The following ZNF804A variants were observed in gnomAD, a reference collection of about 807,000 sequenced individuals.
ZNF804A encodes the protein zinc finger protein 804A.
Under a neutral mutation model 16.5 loss-of-function variants are expected in ZNF804A, and 2 were observed. The observed-to-expected ratio is 0.12, with a 90% CI of 0.05 to 0.38. ZNF804A has a LOEUF of 0.38. ZNF804A is among the 10% of genes least tolerant of loss of function. ZNF804A has a pLI of 0.99. For missense variants in ZNF804A, 1,473 were observed against 1,390.7 expected (o/e 1.06, Z -0.94); for synonymous variants, 534 against 489.6 (o/e 1.09, Z -1.20).
chr2:184,784,429 G>A (rs1484045504), intron 1 of ZNF804A, among the ~76,000 whole-genome samples: 1 of 151,886 alleles, frequency 6.6e-6, no homozygotes, highest in African/African-American at 2.4e-5. Context: ...CTGGAGGTCT[G>A]ATGGCATACA....
At chr2:184,880,462 AT>A (rs201041949) in intron 2 of ZNF804A, among the ~76,000 whole-genome samples, 165 of 152,050 alleles carry the variant, frequency 1.1e-3, no homozygotes, top group Admixed American at 3.3e-3. Context: ...GTTAAGACAC[AT>A]TTTTTAAAAA....
chr2:184,768,636 T>C (rs1182513681), intron 1 of ZNF804A, among the ~76,000 whole-genome samples: 1 of 152,038 alleles, frequency 6.6e-6, no homozygotes, highest in Non-Finnish European at 1.5e-5. Flanking sequence ...GATATTGATG[T>C]TTCTGGTCTA....
chr2:184,869,167 G>T (rs1695932525), intron 2 of ZNF804A, among the ~76,000 whole-genome samples: 1 of 151,862 alleles, frequency 6.6e-6, no homozygotes, highest in South Asian at 2.1e-4. Context: ...CAAAATACTG[G>T]TTCCAGCATT....
Position 184,937,502 on chromosome 2 carries a change from A to T in ZNF804A, c.2106A>T (p.Gly702=), listed in dbSNP as rs560810543. The part of the protein sequence containing the change: ...HCKKNTILLN[G]QSNATMIHSG... ...AAAAGAACACAATACTTTTAAATGGACAATCAAATGCAACAATGATACATT... is the reference window on the plus strand; with the variant it reads ...AAAAGAACACAATACTTTTAAATGGTCAATCAAATGCAACAATGATACATT... Residue 702 remains glycine, a synonymous_variant, in exon 4 of 4, where the codon GGA becomes GGT. Coordinates refer to ENST00000302277, the MANE Select transcript of ZNF804A (RefSeq NM_194250.2). 8.7e-6 allele frequency: 14 copies of T among 1,612,482 alleles called. No individual in the cohort carries two copies. In the East Asian group the frequency reaches 2.5e-4, roughly 28 times the overall value.
At chr2:184,795,655 TA>T (rs1335098609) in intron 1 of ZNF804A, among the ~76,000 whole-genome samples, 3 of 151,812 alleles carry the variant, frequency 2.0e-5, no homozygotes, top group African/African-American at 7.3e-5. Context: ...AAAAGATAAA[TA>T]AAATTGATAG....
intron 1 of ZNF804A, among the ~76,000 whole-genome samples, chr2:184,690,314 C>T (rs1293433519): frequency 2.0e-5 from 3 of 151,914 alleles, no homozygotes; most frequent in Non-Finnish European, 4.4e-5. Context: ...TATCATAGCA[C>T]CATGCATTTT....
Position 184,598,945 on chromosome 2 carries a change from G to A in ZNF804A, c.-15G>A. ...TGGAAGCGGCGGCTGCGGCGGAGGA[G>A]GCGGCGGCTGCCCCATGGAGTGTTA... On this transcript the variant is annotated 5_prime_UTR_variant, in exon 1 of 4. Transcript: ENST00000302277. The A allele has an allele frequency of 6.6e-7, 1 of 1,525,874 alleles. No individual in the cohort carries two copies. 94.5% of individuals were successfully genotyped at this position (1,525,874 alleles called of 1,614,324 possible). A position where few individuals can be genotyped will look rare whatever the true frequency, so the allele number is the denominator to read the frequency against.
chr2:184,765,947 T>A (rs1559144825), intron 1 of ZNF804A, among the ~76,000 whole-genome samples: 1 of 152,142 alleles, frequency 6.6e-6, no homozygotes, highest in Non-Finnish European at 1.5e-5. Flanking sequence ...AATATGACTT[T>A]GAAAAAATCA....
chr2:184,842,230 C>T (rs1390559028), intron 1 of ZNF804A, among the ~76,000 whole-genome samples: 1 of 152,162 alleles, frequency 6.6e-6, no homozygotes, highest in African/African-American at 2.4e-5. Flanking sequence ...CTATCACTCC[C>T]ATTTGGAGTT....
In ZNF804A at chr2:184,937,772, A is replaced by G; in HGVS notation, c.2376A>G (p.Pro792=). ...GTTTAAATCGACAGAATCATTTACC[A>G]GAAGAATTTTTGAGGCCACCAAGTA... ...DESLNRQNHL[P]EEFLRPPSTS... is the part of the protein sequence containing the mutation. The change falls in exon 4 of 4, where the codon CCA becomes CCG. Residue 792 remains proline (P), a synonymous_variant. Coordinates refer to ENST00000302277, the MANE Select transcript of ZNF804A (RefSeq NM_194250.2). 6.2e-7 allele frequency: 1 copy of G among 1,614,030 alleles called. No homozygotes were observed. The highest frequency in any genetic ancestry group is 8.5e-7 in the Non-Finnish European group (1 of 1,179,968).
chr2:184,763,597 C>T (rs1164350677), intron 1 of ZNF804A, among the ~76,000 whole-genome samples: 1 of 143,964 alleles, frequency 6.9e-6, no homozygotes, highest in African/African-American at 2.6e-5. Flanking sequence ...CCATCTACCA[C>T]TCTCTATTGC....
At chr2:184,833,853 G>A (rs1450571016) in intron 1 of ZNF804A, among the ~76,000 whole-genome samples, 2 of 152,062 alleles carry the variant, frequency 1.3e-5, no homozygotes, top group Admixed American at 6.6e-5. Flanking sequence ...TATACATTCT[G>A]CACATGTACC....
At chr2:184,799,040 G>A (rs552666190) in intron 1 of ZNF804A, among the ~76,000 whole-genome samples, 4 of 152,112 alleles carry the variant, frequency 2.6e-5, no homozygotes, top group East Asian at 3.9e-4. Context: ...CTCTGGTACC[G>A]CGGGCTGTCA....
chr2:184,702,741 C>G (rs1486128339), intron 1 of ZNF804A, among the ~76,000 whole-genome samples: 1 of 152,198 alleles, frequency 6.6e-6, no homozygotes, highest in Non-Finnish European at 1.5e-5. Context: ...AGGGAAGCAG[C>G]AATTTACAGT....
chr2:184,682,548 C>A (rs1258954474), intron 1 of ZNF804A, among the ~76,000 whole-genome samples: 1 of 151,926 alleles, frequency 6.6e-6, no homozygotes, highest in African/African-American at 2.4e-5. Flanking sequence ...ATGTCTCCAA[C>A]CCTTGTGGCA....
chr2:184,746,537 T>A (rs2105755745), intron 1 of ZNF804A, among the ~76,000 whole-genome samples: 1 of 151,678 alleles, frequency 6.6e-6, no homozygotes, highest in East Asian at 1.9e-4. Flanking sequence ...TATCATTTAT[T>A]TGTGTTGCAA....
At chr2:184,651,413 A>G (rs1480476470) in intron 1 of ZNF804A, among the ~76,000 whole-genome samples, 1 of 152,138 alleles carries the variant, frequency 6.6e-6, no homozygotes, top group Non-Finnish European at 1.5e-5. Context: ...CTCAAAAGCA[A>G]TTGCAACAAA....
chr2:184,740,120 A>G (rs573843611), intron 1 of ZNF804A, among the ~76,000 whole-genome samples: 1 of 152,250 alleles, frequency 6.6e-6, no homozygotes, highest in Non-Finnish European at 1.5e-5. Context: ...ATTTCAAGGG[A>G]CTCATAGTCT....
At chr2:184,655,830 G>T (rs1240626843) in intron 1 of ZNF804A, among the ~76,000 whole-genome samples, 3 of 151,994 alleles carry the variant, frequency 2.0e-5, no homozygotes, top group African/African-American at 7.2e-5. Flanking sequence ...AAAGAAAATA[G>T]AAAACAGGCC....
Sources: gnomAD v4.1 joint callset for allele counts (sites outside exome capture counted in the v4.1 genomes callset) on GRCh38, gnomAD v4.1.1 for gene constraint, MANE v1.5 for transcripts, NCBI Gene and HGNC (gene_info 2026-07-23, HGNC 2026-07-21) for gene names.